Variants in NEGR1 observed in about 807,000 individuals in gnomAD.
NEGR1 encodes IgLON family member 4.
NEGR1 carries 10 observed loss-of-function variants against 40.9 expected under a neutral mutation model. That is an observed-to-expected ratio of 0.24 (90% CI 0.15 to 0.42). NEGR1 has a LOEUF of 0.42. NEGR1 is among the 10% of genes least tolerant of loss of function. NEGR1 has a pLI of 1.00. For missense variants in NEGR1, 352 were observed against 438.9 expected, an observed-to-expected ratio of 0.80 and a Z score of 1.77; for synonymous variants, 185 against 166.8, an observed-to-expected ratio of 1.11 and a Z score of -0.84.
intron 6 of NEGR1, among the ~76,000 whole-genome samples, chr1:71,483,667 AATGTC>A (rs1328202876): frequency 6.6e-6 from 1 of 151,698 alleles, no homozygotes; most frequent in Non-Finnish European, 1.5e-5. Context: ...ATGAGAGTCT[AATGTC>A]ATGTTCAGGC....
chr1:71,512,886 T>A (rs72938046), intron 6 of NEGR1, among the ~76,000 whole-genome samples: 6,136 of 152,190 alleles, frequency 0.04, 407 homozygotes, highest in African/African-American at 0.14. Flanking sequence ...GGCCATACTA[T>A]CCGAATTTTT....
At chr1:72,041,020 T>C (rs1201657283) in intron 1 of NEGR1, among the ~76,000 whole-genome samples, 2 of 152,048 alleles carry the variant, frequency 1.3e-5, no homozygotes, top group South Asian at 2.1e-4. Context: ...CCAATGTCAA[T>C]AGTTCTTAAT....
chr1:72,232,885 G>T (rs1287364562), intron 1 of NEGR1, among the ~76,000 whole-genome samples: 1 of 152,122 alleles, frequency 6.6e-6, no homozygotes, highest in African/African-American at 2.4e-5. Flanking sequence ...ACAACAGAAG[G>T]ACATGAGACA....
chr1:71,515,762 T>C (rs1647118316), intron 6 of NEGR1, among the ~76,000 whole-genome samples: 1 of 137,410 alleles, frequency 7.3e-6, no homozygotes, highest in Admixed American at 7.1e-5. Context: ...ATGCTCCAAT[T>C]AAAAGACACA....
At chr1:71,917,603 C>A (rs1661621120) in intron 2 of NEGR1, among the ~76,000 whole-genome samples, 1 of 148,272 alleles carries the variant, frequency 6.7e-6, no homozygotes, top group African/African-American at 2.5e-5. Flanking sequence ...ACGGTGAAAC[C>A]CCGTCTCTAC....
chr1:72,101,369 T>C (rs1443043744), intron 1 of NEGR1, among the ~76,000 whole-genome samples: 1 of 152,122 alleles, frequency 6.6e-6, no homozygotes, highest in Admixed American at 6.6e-5. Context: ...GACCATAATA[T>C]ACTTAACATG....
intron 6 of NEGR1, among the ~76,000 whole-genome samples, chr1:71,511,448 C>A (rs979264747): frequency 6.6e-6 from 1 of 152,132 alleles, no homozygotes; most frequent in African/African-American, 2.4e-5. Flanking sequence ...ATATACATTC[C>A]CTTCTGTCTT....
chr1:71,580,606 A>T (rs1162817091), intron 6 of NEGR1, among the ~76,000 whole-genome samples: 2 of 152,194 alleles, frequency 1.3e-5, no homozygotes, highest in African/African-American at 2.4e-5. Flanking sequence ...TCATTCCTAC[A>T]TCAAAATAAA....
intron 1 of NEGR1, among the ~76,000 whole-genome samples, chr1:71,963,467 G>GT (rs1164165954): frequency 6.6e-6 from 1 of 152,162 alleles, no homozygotes; most frequent in Non-Finnish European, 1.5e-5. Flanking sequence ...GCTGTTAAAT[G>GT]TAACAATGTA....
At chr1:71,963,837 G>A (rs1052242196) in intron 1 of NEGR1, among the ~76,000 whole-genome samples, 1 of 151,028 alleles carries the variant, frequency 6.6e-6, no homozygotes, top group Non-Finnish European at 1.5e-5. Context: ...AACATTAATT[G>A]TGGAAACCTA....
intron 1 of NEGR1, among the ~76,000 whole-genome samples, chr1:72,007,526 C>T (rs928887646): frequency 3.8e-4 from 58 of 152,208 alleles, no homozygotes; most frequent in African/African-American, 1.3e-3. Flanking sequence ...CTTTTCTCCG[C>T]CACTGCTATG....
intron 5 of NEGR1, among the ~76,000 whole-genome samples, chr1:71,594,835 C>T (rs897412733): frequency 3.3e-5 from 5 of 152,226 alleles, no homozygotes; most frequent in South Asian, 2.1e-4. Flanking sequence ...TGAATTTGCC[C>T]GCATCTTTGT....
At chr1:71,442,527 T>C (rs1386975781) in intron 6 of NEGR1, among the ~76,000 whole-genome samples, 1 of 152,082 alleles carries the variant, frequency 6.6e-6, no homozygotes, top group African/African-American at 2.4e-5. Flanking sequence ...GGCAGGAGAA[T>C]CACCTGAACC....
At chr1:72,135,378 A>AAC (rs1650416031) in intron 1 of NEGR1, among the ~76,000 whole-genome samples, 1 of 144,120 alleles carries the variant, frequency 6.9e-6, no homozygotes, top group African/African-American at 2.5e-5. Flanking sequence ...TCCGTCTCAA[A>AAC]AAAAAAAAAA....
intron 4 of NEGR1, among the ~76,000 whole-genome samples, chr1:71,690,840 G>A (rs920754700): frequency 1.3e-5 from 2 of 151,846 alleles, no homozygotes; most frequent in Non-Finnish European, 2.9e-5. Flanking sequence ...TTTTTGAAGT[G>A]ATGATTGCCA....
intron 4 of NEGR1, among the ~76,000 whole-genome samples, chr1:71,671,195 C>G (rs1652416652): frequency 6.6e-6 from 1 of 152,098 alleles, no homozygotes; most frequent in South Asian, 2.1e-4. Flanking sequence ...AACAATTCCA[C>G]TTGATTTGTC....
intron 1 of NEGR1, among the ~76,000 whole-genome samples, chr1:72,201,419 T>C (rs1018438607): frequency 6.6e-6 from 1 of 151,822 alleles, no homozygotes. Flanking sequence ...GAGCATAATA[T>C]TCATAATTTC....
chr1:72,186,480 G>A (rs556136228), intron 1 of NEGR1, among the ~76,000 whole-genome samples: 1 of 151,604 alleles, frequency 6.6e-6, no homozygotes, highest in South Asian at 2.1e-4. Flanking sequence ...GGCAGCCCCA[G>A]GAGAAAAGAG....
rs564759003 is a variant in NEGR1 at position 71,847,344 on chromosome 1, G to C, written c.410-71047C>G. Reference sequence around the variant, plus strand: ...TATCTTCCTTTCATTGCACTTTACAGATAATGCATTTGTTACAAACTGAAG... The same window carrying C: ...TATCTTCCTTTCATTGCACTTTACACATAATGCATTTGTTACAAACTGAAG... On this transcript the variant is annotated intron_variant, in intron 2 of 6. Coordinates refer to ENST00000357731, the MANE Select transcript of NEGR1 (RefSeq NM_173808.3). Among the ~76,000 whole-genome samples, 154 of 152,236 alleles carry C rather than the reference G, an allele frequency of 1.0e-3. 1 individual carries two copies. The highest frequency in any genetic ancestry group is 3.4e-3 in the African/African-American group (140 of 41,552).
Sources: gnomAD v4.1 joint callset for allele counts (sites outside exome capture counted in the v4.1 genomes callset) on GRCh38, gnomAD v4.1.1 for gene constraint, MANE v1.5 for transcripts, NCBI Gene and HGNC (gene_info 2026-07-23, HGNC 2026-07-21) for gene names.